Variants in BRD10 observed in about 807,000 individuals in gnomAD.
The protein encoded by BRD10 is uncharacterized bromodomain-containing protein 10.
the BRD10 span, among the ~76,000 whole-genome samples, chr9:5,901,322 A>G: frequency 6.6e-6 from 1 of 152,160 alleles, no homozygotes; most frequent in Non-Finnish European, 1.5e-5. Context: ...AAAAGCTTCA[A>G]GTATGATGTT....
the BRD10 span, among the ~76,000 whole-genome samples, chr9:5,972,688 T>C: frequency 3.3e-5 from 5 of 152,218 alleles, no homozygotes; most frequent in African/African-American, 4.8e-5. Context: ...AGAAGCAGTC[T>C]GAGGCATTCT....
the BRD10 span, among the ~76,000 whole-genome samples, chr9:5,978,727 A>G: frequency 6.6e-6 from 1 of 152,202 alleles, no homozygotes; most frequent in South Asian, 2.1e-4. Flanking sequence ...GTTCTCCAAG[A>G]AAAACTACAC....
At chr9:5,993,086 C>T in the BRD10 span, among the ~76,000 whole-genome samples, 1 of 151,966 alleles carries the variant, frequency 6.6e-6, no homozygotes, top group Non-Finnish European at 1.5e-5. Context: ...GAGGCCAAGG[C>T]GGGTGGATCA....
chr9:5,922,983 G>C, the BRD10 span: 18 of 1,613,988 alleles, frequency 1.1e-5, 1 homozygote, highest in South Asian at 1.6e-4. Context: ...GCCTGAATGG[G>C]TTTGGTCCCT....
chr9:5,930,599 G>A, the BRD10 span, among the ~76,000 whole-genome samples: 1 of 151,990 alleles, frequency 6.6e-6, no homozygotes, highest in Non-Finnish European at 1.5e-5. Flanking sequence ...ATATGTGCAT[G>A]TGCACGTAAT....
the BRD10 span, chr9:5,909,266 C>CT: frequency 1.8e-4 from 27 of 151,790 alleles, 1 homozygote; most frequent in African/African-American, 4.4e-4. Context: ...TCCTATAGCT[C>CT]TTTTTTTTTG....
chr9:5,955,534 G>GT, the BRD10 span, among the ~76,000 whole-genome samples: 4 of 152,026 alleles, frequency 2.6e-5, no homozygotes, highest in African/African-American at 9.7e-5. Flanking sequence ...TTTATAATTT[G>GT]TTTTTTGTAT....
At chr9:5,918,488 G>T in the BRD10 span, among the ~76,000 whole-genome samples, 1 of 152,166 alleles carries the variant, frequency 6.6e-6, no homozygotes, top group South Asian at 2.1e-4. Flanking sequence ...GGCCAAGGTA[G>T]GTGGATCTCT....
At chr9:6,007,760 T>C in the BRD10 span, 1 of 1,577,772 alleles carries the variant, frequency 6.3e-7, no homozygotes, top group South Asian at 1.1e-5. Context: ...GCCGGCTCCA[T>C]CGCTCCCGGC....
the BRD10 span, among the ~76,000 whole-genome samples, chr9:5,953,111 C>T: frequency 1.3e-5 from 2 of 152,034 alleles, no homozygotes; most frequent in Middle Eastern, 3.2e-3. Flanking sequence ...ATGAATGTGT[C>T]CACATTTTTA....
At chr9:6,007,052 C>G in the BRD10 span, 2 of 815,892 alleles carry the variant, frequency 2.5e-6, no homozygotes, top group African/African-American at 3.5e-5. Context: ...CGCCCAGCGC[C>G]GCTCCTCCTC....
At chr9:5,907,517 TAGAAA>T in the BRD10 span, among the ~76,000 whole-genome samples, 3 of 152,222 alleles carry the variant, frequency 2.0e-5, no homozygotes, top group Non-Finnish European at 4.4e-5. Flanking sequence ...TATTAGTATG[TAGAAA>T]AGAAGATAAA....
chr9:6,000,172 A>G, the BRD10 span, among the ~76,000 whole-genome samples: 1 of 152,250 alleles, frequency 6.6e-6, no homozygotes, highest in South Asian at 2.1e-4. Flanking sequence ...TCTTTTTTCA[A>G]AGTGTACATA....
At chr9:5,889,919 C>A in the BRD10 span, among the ~76,000 whole-genome samples, 1 of 152,210 alleles carries the variant, frequency 6.6e-6, no homozygotes, top group Admixed American at 6.5e-5. Context: ...TTTCATCTAT[C>A]CCTTTCACAT....
the BRD10 span, among the ~76,000 whole-genome samples, chr9:6,000,904 A>C: frequency 2.8e-4 from 43 of 152,160 alleles, no homozygotes; most frequent in African/African-American, 1.0e-3. Context: ...GTCCTGGGCA[A>C]TTTCATTTAC....
At chr9:5,929,552 G>T in the BRD10 span, among the ~76,000 whole-genome samples, 1 of 152,080 alleles carries the variant, frequency 6.6e-6, no homozygotes, top group African/African-American at 2.4e-5. Flanking sequence ...GGGGAAAAGG[G>T]AGAAAAGGTA....
At chr9:5,914,415 T>G in the BRD10 span, among the ~76,000 whole-genome samples, 4 of 100,346 alleles carry the variant, frequency 4.0e-5, no homozygotes, top group South Asian at 3.9e-4. Flanking sequence ...AGATGGTTTT[T>G]TTTTTTTTTT....
chr9:5,977,758 C>T, the BRD10 span, among the ~76,000 whole-genome samples: 1 of 152,124 alleles, frequency 6.6e-6, no homozygotes, highest in Admixed American at 6.5e-5. Context: ...TGGTGTGAAC[C>T]CAGGAGGCAG....
the BRD10 span, among the ~76,000 whole-genome samples, chr9:5,943,140 G>T: frequency 2.0e-5 from 3 of 152,048 alleles, no homozygotes; most frequent in African/African-American, 7.3e-5. Flanking sequence ...GCCTCCCAAA[G>T]TGCTAAATTT....
Sources: gnomAD v4.1 joint callset for allele counts (sites outside exome capture counted in the v4.1 genomes callset) on GRCh38, gnomAD v4.1.1 for gene constraint, MANE v1.5 for transcripts, NCBI Gene and HGNC (gene_info 2026-07-23, HGNC 2026-07-21) for gene names.